ETAA1: variants seen among roughly 807,000 people sequenced by gnomAD.
ETAA1 encodes ewing's tumor-associated antigen 1.
In ETAA1, 49 loss-of-function variants were observed where a neutral mutation model predicts 76.8. The ratio of observed to expected loss-of-function variants is 0.64; its 90% CI spans 0.51 to 0.81. The LOEUF (loss-of-function observed/expected upper bound fraction) is 0.81, where lower values mean the gene tolerates loss of function less well. ETAA1 is among the 30% of genes least tolerant of loss of function. The pLI is 0.00. For synonymous variants in ETAA1, 373 were observed against 372.2 expected (o/e 1.00, Z -0.03); for missense variants, 1,099 against 1,074.0 (o/e 1.02, Z -0.32).
rs1365919457 is a variant in ETAA1, at chr2:67,397,543, C to T, written c.95C>T (p.Pro32Leu). ...GAGGAATGCGGCTCGGTGGTCGAGC[C>T]AGGGAGGAGGCGGCTGAGATCGGCC... is the stretch of plus-strand genomic sequence containing the variant. ...AAEECGSVVEPGRRRLRSARG... is the reference protein window; with the variant it reads ...AAEECGSVVELGRRRLRSARG... Residue 32 changes from proline to leucine, a missense_variant, in exon 1 of 6, where the codon CCA becomes CTA. By Grantham distance (98) the Pro-to-Leu change is moderately conservative. Coordinates refer to ENST00000272342, the MANE Select transcript of ETAA1 (RefSeq NM_019002.4). 2 of 1,581,730 alleles carry T rather than the reference C, an allele frequency of 1.3e-6. No individual in the cohort carries two copies. The highest frequency in any genetic ancestry group is 1.7e-6 in the Non-Finnish European group (2 of 1,164,302).
chr2:67,404,952 C>A lies in ETAA1; in HGVS notation c.2270C>A (p.Thr757Asn), dbSNP rs1676168534. The change falls in exon 5 of 6, where the codon ACT becomes AAT. Residue 757 changes from threonine to asparagine, a missense_variant. Physicochemically the swap from Thr to Asn is moderately conservative, Grantham distance 65. This residue lies in a region of ETAA1 where 302 missense variants were observed against 278.1 expected (regional missense o/e 1.09). Coordinates refer to ENST00000272342, the MANE Select transcript of ETAA1 (RefSeq NM_019002.4). ...INNLHVSYTN[T>N]DVPIQVNSSK... is the part of the protein sequence containing the mutation. ...AATCTGCATGTGTCTTATACTAACA[C>A]TGATGTTCCAATACAAGTGAATAGT... 5 of 1,613,018 alleles carry A rather than the reference C, an allele frequency of 3.1e-6. No individual in the cohort carries two copies. In the East Asian group the frequency reaches 1.1e-4, roughly 36 times the overall value.
Position 67,404,943 on chromosome 2 carries a change from A to C in ETAA1, c.2261A>C (p.Tyr754Ser). Reference protein sequence around the residue: ...NCQINNLHVSYTNTDVPIQVN... With the variant: ...NCQINNLHVSSTNTDVPIQVN... The stretch of plus-strand genomic sequence containing the variant: ...CAGATAAATAATCTGCATGTGTCTT[A>C]TACTAACACTGATGTTCCAATACAA... The change falls in exon 5 of 6, where the codon TAT becomes TCT. Residue 754 changes from tyrosine to serine, a missense_variant. By Grantham distance (144) the Tyr-to-Ser change is moderately radical. Coordinates refer to ENST00000272342, the MANE Select transcript of ETAA1 (RefSeq NM_019002.4). 6.2e-7 allele frequency: 1 copy of C among 1,613,120 alleles called. No homozygotes were observed.
Position 67,404,911 on chromosome 2 carries a change from A to G in ETAA1, c.2229A>G (p.Ser743=). Residue 743 remains serine, a synonymous_variant, in exon 5 of 6, where the codon TCA becomes TCG. Coordinates refer to ENST00000272342, the MANE Select transcript of ETAA1 (RefSeq NM_019002.4). ...ATTTGACTATGTATTCTAAGATCTCAAACTGTCAGATAAATAATCTGCATG... is the reference window on the plus strand; with the variant it reads ...ATTTGACTATGTATTCTAAGATCTCGAACTGTCAGATAAATAATCTGCATG... The part of the protein sequence containing the change: ...ATNLTMYSKI[S]NCQINNLHVS... 1.2e-6 allele frequency: 2 copies of G among 1,613,110 alleles called. No homozygotes were observed. Among genetic ancestry groups the G allele is most frequent in the Non-Finnish European group, 8.5e-7 (1 of 1,179,412 alleles).
At position 67,410,038 on chromosome 2, in the gene ETAA1, A is replaced by G; in HGVS notation, c.2781A>G (p.Ter927=). The change falls in exon 6 of 6, where the codon TAA becomes TAG. Residue 927 remains the stop codon, a stop_retained_variant. Coordinates refer to ENST00000272342, the MANE Select transcript of ETAA1 (RefSeq NM_019002.4). ...ATGCAGCTCCCACTTCATTTCTTTA[A>G]TGAAATATTAGTTGGAAGACTTCAC... is the stretch of plus-strand genomic sequence containing the variant. ...SVNAAPTSFL[*] is the part of the protein sequence containing the mutation. The G allele has an allele frequency of 1.2e-6, 2 of 1,600,430 alleles. No individual in the cohort carries two copies. The highest frequency in any genetic ancestry group is 2.3e-5 in the East Asian group (1 of 44,422).
chr2:67,406,753 C>T (rs969093317), intron 5 of ETAA1, among the ~76,000 whole-genome samples: 1 of 151,670 alleles, frequency 6.6e-6, no homozygotes, highest in Non-Finnish European at 1.5e-5. Flanking sequence ...TATATATATA[C>T]CTATAGATCT....
Position 67,404,378 on chromosome 2 carries a change from A to T in ETAA1, c.1696A>T (p.Asn566Tyr), listed in dbSNP as rs767351703. The T allele has an allele frequency of 1.2e-6, 2 of 1,613,326 alleles. No homozygotes were observed. Among genetic ancestry groups the T allele is most frequent in the Admixed American group, 1.7e-5 (1 of 59,936 alleles). Residue 566 changes from asparagine (N) to tyrosine (Y), a missense_variant, in exon 5 of 6, where the codon AAT becomes TAT. Coordinates refer to ENST00000272342, the MANE Select transcript of ETAA1 (RefSeq NM_019002.4). ...CAGTAAAACCAGTGTTAGTAACCCA[A>T]ATCAGACTAGTGCATCAAAAGTAGG... ...LGSKTSVSNPNQTSASKVGSF... is the reference protein window; with the variant it reads ...LGSKTSVSNPYQTSASKVGSF...
rs1558584461 is a variant in ETAA1, at chr2:67,411,829, TTTTACTA to T, written c.*1792_*1798del. 6.6e-6 allele frequency: 1 copy of T among 151,788 alleles called. No homozygotes were observed. Among genetic ancestry groups the T allele is most frequent in the Non-Finnish European group, 1.5e-5 (1 of 67,980 alleles). 9.4% of individuals were successfully genotyped at this position (151,788 alleles called of 1,614,324 possible). A position where few individuals can be genotyped will look rare whatever the true frequency, so the allele number is the denominator to read the frequency against. ...GTACAAAAATAAAGAGCTGAGAATC[TTTTACTA>T]AAAGTGGCTTCACTGTGTTCTGACT... On this transcript the variant is annotated 3_prime_UTR_variant, in exon 6 of 6. Transcript: ENST00000272342.
At chr2:67,407,977 T>A (rs990031273) in intron 5 of ETAA1, among the ~76,000 whole-genome samples, 3 of 152,114 alleles carry the variant, frequency 2.0e-5, no homozygotes, top group Non-Finnish European at 4.4e-5. Flanking sequence ...AGACTAAACC[T>A]CCTGGAGTAT....
intron 3 of ETAA1, 72 bp from the exon 4 acceptor site, chr2:67,402,790 C>G: frequency 1.0e-6 from 1 of 997,438 alleles, no homozygotes; most frequent in Non-Finnish European, 1.4e-6. Context: ...TTTTTTCTTT[C>G]TTTTGTTTTT....
At chr2:67,401,400 ACAGT>A (rs912468437) in intron 3 of ETAA1, 1 of 151,890 alleles carries the variant, frequency 6.6e-6, no homozygotes, top group Non-Finnish European at 1.5e-5. Context: ...TTTTGGTTGG[ACAGT>A]CAGTTCACTT....
Position 67,404,019 on chromosome 2 carries a change from A to T in ETAA1, c.1337A>T (p.Asp446Val). 1 of 1,607,574 alleles carries T rather than the reference A, an allele frequency of 6.2e-7. No individual in the cohort carries two copies. The highest frequency in any genetic ancestry group is 1.1e-5 in the South Asian group (1 of 90,292). The change falls in exon 5 of 6, where the codon GAT becomes GTT. Residue 446 changes from aspartate to valine, a missense_variant. Physicochemically the swap from Asp to Val is radical, Grantham distance 152 (BLOSUM62 -3). Coordinates refer to ENST00000272342, the MANE Select transcript of ETAA1 (RefSeq NM_019002.4). ...ARLGDSKVLQ[D>V]LSSKTYDREL... Reference sequence around the variant, plus strand: ...TTAGGAGATTCAAAAGTATTACAAGATCTTTCTTCAAAGACATATGACAGA... The same window carrying T: ...TTAGGAGATTCAAAAGTATTACAAGTTCTTTCTTCAAAGACATATGACAGA...
chr2:67,397,978 A>C (rs948821297), intron 1 of ETAA1, among the ~76,000 whole-genome samples: 3 of 152,164 alleles, frequency 2.0e-5, no homozygotes, highest in African/African-American at 7.2e-5. Flanking sequence ...GCAGTGGTGG[A>C]GTGAGAAGAA....
chr2:67,404,039 G>C lies in ETAA1; in HGVS notation c.1357G>C (p.Asp453His), dbSNP rs151105878. Residue 453 changes from aspartate (D) to histidine (H), a missense_variant, in exon 5 of 6, where the codon GAC (aspartate) becomes CAC (histidine). Around this residue, in one of 3 missense-constraint regions of ETAA1, gnomAD observed 761 missense variants for 731.9 expected, o/e 1.04. Coordinates refer to ENST00000272342, the MANE Select transcript of ETAA1 (RefSeq NM_019002.4). ...ACAAGATCTTTCTTCAAAGACATATGACAGAGAATTAATAGATGCAGAATA... is the reference window on the plus strand; with the variant it reads ...ACAAGATCTTTCTTCAAAGACATATCACAGAGAATTAATAGATGCAGAATA... ...VLQDLSSKTY[D>H]RELIDAEYRF... The C allele has an allele frequency of 5.6e-6, 9 of 1,607,374 alleles. No individual in the cohort carries two copies. The East Asian group carries it at 2.0e-4, about 36-fold the overall frequency.
rs1276229715 is a variant in ETAA1 at position 67,403,480 on chromosome 2, T to C, written c.798T>C (p.Asn266=). 6.2e-7 allele frequency: 1 copy of C among 1,613,388 alleles called. No individual in the cohort carries two copies. The highest frequency in any genetic ancestry group is 8.5e-7 in the Non-Finnish European group (1 of 1,179,466). The change falls in exon 5 of 6, where the codon AAT becomes AAC. Residue 266 remains asparagine (N), a synonymous_variant. Transcript: ENST00000272342. ...ACACCAAGATATCTGTGGCAAATAA[T>C]CAAAATAGCAGTCAGAAGCCATTTG... ...KGNTKISVAN[N]QNSSQKPFDQ...
At chr2:67,399,928 C>G (rs1214996705) in intron 3 of ETAA1, among the ~76,000 whole-genome samples, 1 of 151,900 alleles carries the variant, frequency 6.6e-6, no homozygotes, top group Non-Finnish European at 1.5e-5. Context: ...CATCATTTTT[C>G]AAGTTGCTAA....
chr2:67,403,021 T>A, intron 4 of ETAA1, 47 bp downstream of exon 4: 1 of 1,496,152 alleles, frequency 6.7e-7, no homozygotes. Context: ...GAAGCAAATA[T>A]TTTTTGATAA....
At position 67,405,148 on chromosome 2, in the gene ETAA1, A is replaced by G. The variant is rs1038041982; in HGVS notation, c.2466A>G (p.Thr822=). Residue 822 remains threonine (T), a synonymous_variant, in exon 5 of 6, where the codon ACA becomes ACG. Transcript: ENST00000272342. ...LNTTVGFSKF[T]FTRMKNSQIL... is the part of the protein sequence containing the mutation. ...CAACAGTTGGATTTTCAAAGTTTACATTTACAAGGATGAAAAATTCTCAGA... is the reference window on the plus strand; with the variant it reads ...CAACAGTTGGATTTTCAAAGTTTACGTTTACAAGGATGAAAAATTCTCAGA... The G allele has an allele frequency of 4.3e-6, 7 of 1,612,148 alleles. No homozygotes were observed. Among genetic ancestry groups the G allele is most frequent in the Non-Finnish European group, 5.9e-6 (7 of 1,178,948 alleles).
rs751545298 is a variant in ETAA1, at chr2:67,403,639, G to C, written c.957G>C (p.Leu319Phe). ...SNTTFVKTNA[L>F]KEEKIITNET... ...CTACCTTTGTAAAGACAAATGCTTT[G>C]AAAGAGGAGAAAATCATTACTAATG... The change falls in exon 5 of 6, where the codon TTG (leucine) becomes TTC (phenylalanine). Residue 319 changes from leucine to phenylalanine, a missense_variant. Leu to Phe is a conservative substitution (Grantham distance 22, BLOSUM62 0). Transcript: ENST00000272342. 4 of 1,613,284 alleles carry C rather than the reference G, an allele frequency of 2.5e-6. 1 individual carries two copies. The highest frequency in any genetic ancestry group is 3.4e-6 in the Non-Finnish European group (4 of 1,179,416).
chr2:67,397,850 A>C (rs1384179625), intron 1 of ETAA1, among the ~76,000 whole-genome samples, 179 bp downstream of exon 1: 3 of 152,088 alleles, frequency 2.0e-5, no homozygotes, highest in Non-Finnish European at 4.4e-5. Flanking sequence ...TTGTCCCCGA[A>C]CTTCAGCACT....
Sources: gnomAD v4.1 joint callset for allele counts (sites outside exome capture counted in the v4.1 genomes callset) on GRCh38, gnomAD v4.1.1 for gene constraint, gnomAD v4.1.1 regional missense constraint, MANE v1.5 for transcripts, NCBI Gene and HGNC (gene_info 2026-07-23, HGNC 2026-07-21) for gene names.